ASCC3: variants seen among roughly 807,000 people sequenced by gnomAD.
ASCC3 encodes the protein ASC-1 complex subunit P200.
ASCC3 carries 158 observed loss-of-function variants against 256.3 expected under a neutral mutation model. The ratio of observed to expected loss-of-function variants is 0.62; its 90% CI spans 0.54 to 0.70. The LOEUF (loss-of-function observed/expected upper bound fraction) is 0.70. Ranked by LOEUF, ASCC3 falls within the 30% of genes least tolerant of loss-of-function variation. The pLI is 0.00. For missense variants in ASCC3, 2,259 were observed against 2,626.0 expected (o/e 0.86, Z 3.05); for synonymous variants, 948 against 883.4 (o/e 1.07, Z -1.30).
At chr6:100,720,693 T>A (rs1375592370) in intron 11 of ASCC3, among the ~76,000 whole-genome samples, 1 of 151,582 alleles carries the variant, frequency 6.6e-6, no homozygotes, top group Non-Finnish European at 1.5e-5. Flanking sequence ...AATTTGACCA[T>A]TTTTCTTAAG....
At chr6:100,687,026 T>TCACACACACA (rs1489836127) in intron 13 of ASCC3, among the ~76,000 whole-genome samples, 18 of 73,228 alleles carry the variant, frequency 2.5e-4, no homozygotes, top group East Asian at 5.1e-4. Flanking sequence ...TCTCTCTCTC[T>TCACACACACA]CTCTCTCTCA....
chr6:100,652,703 CAT>C lies in ASCC3; in HGVS notation c.2988+20_2988+21del, dbSNP rs768760753. 5 of 1,606,322 alleles carry C rather than the reference CAT, an allele frequency of 3.1e-6. No individual in the cohort carries two copies. The highest frequency in any genetic ancestry group is 4.3e-6 in the Non-Finnish European group (5 of 1,173,752). Reference sequence around the variant, plus strand: ...GAAAGTATTTGCATCTAAAATCAAACATATTTGCATTAGTATAATACCTCAAT... The same window carrying C: ...GAAAGTATTTGCATCTAAAATCAAACATTTGCATTAGTATAATACCTCAAT... On this transcript the variant is annotated intron_variant, in intron 18 of 41. Transcript: ENST00000369162.
At chr6:100,748,372 G>A (rs1055513441) in intron 10 of ASCC3, among the ~76,000 whole-genome samples, 6 of 151,818 alleles carry the variant, frequency 4.0e-5, no homozygotes, top group African/African-American at 9.7e-5. Flanking sequence ...TGTTGAAAGC[G>A]AATTATGTAC....
intron 36 of ASCC3, among the ~76,000 whole-genome samples, chr6:100,562,817 A>G (rs1438781378): frequency 6.6e-6 from 1 of 152,140 alleles, no homozygotes; most frequent in African/African-American, 2.4e-5. Context: ...TAAAATAAAC[A>G]TGTTGATAGA....
At chr6:100,802,971 G>A (rs538478861) in intron 5 of ASCC3, among the ~76,000 whole-genome samples, 1 of 152,148 alleles carries the variant, frequency 6.6e-6, no homozygotes, top group East Asian at 1.9e-4. Context: ...TTGTGCCACT[G>A]CTCCCTAGCC....
At chr6:100,712,609 A>AAAT (rs1287682108) in intron 13 of ASCC3, among the ~76,000 whole-genome samples, 1 of 152,160 alleles carries the variant, frequency 6.6e-6, no homozygotes, top group Non-Finnish European at 1.5e-5. Flanking sequence ...TGACAAAACC[A>AAAT]AATGCTGGCA....
At chr6:100,642,161 T>TA (rs558336661) in intron 24 of ASCC3, among the ~76,000 whole-genome samples, 5,547 of 140,260 alleles carry the variant, frequency 0.04, 95 homozygotes, top group African/African-American at 0.061. Context: ...GTTAAAGTAT[T>TA]AAAAAAAAAA....
Position 100,873,799 on chromosome 6 carries a change from G to C in ASCC3, c.-41-5761C>G, listed in dbSNP as rs539489445. On this transcript the variant is annotated intron_variant, in intron 1 of 41. Transcript: ENST00000369162. The stretch of plus-strand genomic sequence containing the variant: ...AACTAAGCTTCATAAATGAAGGGAT[G>C]GTACAGTCTTTTTAGGCAAACAAAT... Among the ~76,000 whole-genome samples, 27 of 152,236 alleles carry C rather than the reference G, an allele frequency of 1.8e-4. No individual in the cohort carries two copies. In the South Asian group the frequency reaches 5.2e-3, roughly 29 times the overall value.
At chr6:100,832,260 C>T (rs888863755) in intron 4 of ASCC3, among the ~76,000 whole-genome samples, 7 of 152,012 alleles carry the variant, frequency 4.6e-5, no homozygotes, top group Admixed American at 2.0e-4. Context: ...TTTCAGCAAC[C>T]GCAAATGATG....
At chr6:100,832,186 T>C (rs1771655018) in intron 4 of ASCC3, among the ~76,000 whole-genome samples, 1 of 152,078 alleles carries the variant, frequency 6.6e-6, no homozygotes. Context: ...ATAGAAATGA[T>C]TATAGAAATA....
intron 36 of ASCC3, among the ~76,000 whole-genome samples, chr6:100,585,060 G>T (rs924427396): frequency 6.6e-6 from 1 of 152,026 alleles, no homozygotes; most frequent in Non-Finnish European, 1.5e-5. Context: ...TATGTGTCTT[G>T]GAGTTGCTCT....
At chr6:100,780,366 G>A (rs527894280) in intron 8 of ASCC3, among the ~76,000 whole-genome samples, 2 of 152,054 alleles carry the variant, frequency 1.3e-5, no homozygotes, top group African/African-American at 2.4e-5. Context: ...TACATTCAGG[G>A]AAAATCTCTT....
intron 36 of ASCC3, among the ~76,000 whole-genome samples, chr6:100,561,763 C>G (rs1203916338): frequency 6.6e-6 from 1 of 152,012 alleles, no homozygotes; most frequent in Non-Finnish European, 1.5e-5. Context: ...AAGATGACAC[C>G]TGTTTGGCAT....
intron 30 of ASCC3, among the ~76,000 whole-genome samples, chr6:100,615,224 C>T (rs1018572339): frequency 2.0e-5 from 3 of 152,090 alleles, no homozygotes; most frequent in South Asian, 2.1e-4. Context: ...CCACCCAACT[C>T]GGCCTCCTGC....
chr6:100,650,968 T>G (rs1426986313), intron 19 of ASCC3, among the ~76,000 whole-genome samples: 2 of 151,806 alleles, frequency 1.3e-5, no homozygotes, highest in Admixed American at 1.3e-4. Flanking sequence ...ATATAAAAAT[T>G]TGATATGCCA....
At chr6:100,561,051 A>G (rs1769917881) in intron 36 of ASCC3, among the ~76,000 whole-genome samples, 1 of 152,038 alleles carries the variant, frequency 6.6e-6, no homozygotes, top group African/African-American at 2.4e-5. Context: ...CTTGTTTTAT[A>G]AAATAAGACT....
chr6:100,841,036 T>A (rs1040928704), intron 4 of ASCC3, among the ~76,000 whole-genome samples: 6 of 151,868 alleles, frequency 4.0e-5, no homozygotes, highest in Non-Finnish European at 8.8e-5. Flanking sequence ...AGAGAAAAAA[T>A]GGTGGCAAAA....
At chr6:100,615,973 TC>T (rs1429702885) in intron 30 of ASCC3, among the ~76,000 whole-genome samples, 2 of 152,204 alleles carry the variant, frequency 1.3e-5, no homozygotes, top group Admixed American at 1.3e-4. Flanking sequence ...TTATTTTAGT[TC>T]TATAAAAAAC....
intron 36 of ASCC3, among the ~76,000 whole-genome samples, chr6:100,587,913 A>C (rs971470963): frequency 6.6e-6 from 1 of 152,204 alleles, no homozygotes; most frequent in African/African-American, 2.4e-5. Flanking sequence ...TTTTTAGTGG[A>C]GTAAACAGGG....
Sources: gnomAD v4.1 joint callset for allele counts (sites outside exome capture counted in the v4.1 genomes callset) on GRCh38, gnomAD v4.1.1 for gene constraint, MANE v1.5 for transcripts, NCBI Gene and HGNC (gene_info 2026-07-23, HGNC 2026-07-21) for gene names.